The following CFAP299 variants were observed in gnomAD, a reference collection of about 807,000 sequenced individuals.
The protein encoded by CFAP299 is cilia and flagella associated protein 299.
In CFAP299, 21 loss-of-function variants were observed where a neutral mutation model predicts 27.0. The observed-to-expected ratio is 0.78, with a 90% confidence interval of 0.55 to 1.12. CFAP299 has a LOEUF of 1.12. CFAP299 is among the 50% of genes most tolerant of loss of function. CFAP299 has a pLI of 0.00. For synonymous variants in CFAP299, 104 were observed against 98.1 expected, an observed-to-expected ratio of 1.06 and a Z score of -0.36; for missense variants, 310 against 276.6, an observed-to-expected ratio of 1.12 and a Z score of -0.86.
At chr4:80,864,609 T>A (rs562783293) in intron 3 of CFAP299, among the ~76,000 whole-genome samples, 6 of 150,646 alleles carry the variant, frequency 4.0e-5, no homozygotes, top group African/African-American at 1.5e-4. Context: ...TAAAAAGTTT[T>A]AACTGTGAAT....
intron 2 of CFAP299, among the ~76,000 whole-genome samples, chr4:80,414,617 CAT>C (rs879666117): frequency 1.3e-5 from 2 of 152,186 alleles, no homozygotes; most frequent in Non-Finnish European, 2.9e-5. Flanking sequence ...AATGAAATCT[CAT>C]GTGCACCTCC....
At position 80,805,363 on chromosome 4, in the gene CFAP299, A is replaced by G. The variant is rs188972106; in HGVS notation, c.334-64630A>G. On this transcript the variant is annotated intron_variant, in intron 3 of 5. Coordinates refer to ENST00000358105, the MANE Select transcript of CFAP299 (RefSeq NM_152770.3). The stretch of plus-strand genomic sequence containing the variant: ...AAGGAACCACAAAACTTCAGAGGAA[A>G]GTGAAATAAATAGGTATTTTTTCCA... Among the ~76,000 whole-genome samples the G allele has an allele frequency of 1.0e-3, 154 of 152,328 alleles. 1 individual carries two copies. The highest frequency in any genetic ancestry group is 3.7e-3 in the African/African-American group (152 of 41,580).
chr4:80,642,712 C>T (rs778460658), intron 3 of CFAP299, among the ~76,000 whole-genome samples: 4 of 151,868 alleles, frequency 2.6e-5, no homozygotes, highest in African/African-American at 7.3e-5. Context: ...TGCAGTGAAC[C>T]GAGATCACAC....
At chr4:80,390,727 G>A (rs1431639871) in intron 2 of CFAP299, among the ~76,000 whole-genome samples, 1 of 129,762 alleles carries the variant, frequency 7.7e-6, no homozygotes, top group East Asian at 2.1e-4. Flanking sequence ...ACACATACAT[G>A]TATATATGTA....
chr4:80,927,264 T>C (rs2110215538), intron 4 of CFAP299, among the ~76,000 whole-genome samples: 1 of 152,238 alleles, frequency 6.6e-6, no homozygotes, highest in African/African-American at 2.4e-5. Context: ...CTTATATTCC[T>C]GATTCCCCAA....
intron 3 of CFAP299, among the ~76,000 whole-genome samples, chr4:80,616,490 G>C (rs1413388409): frequency 2.0e-5 from 3 of 151,688 alleles, no homozygotes; most frequent in African/African-American, 7.3e-5. Flanking sequence ...AGATCATCTA[G>C]TCCCAACTTT....
intron 4 of CFAP299, among the ~76,000 whole-genome samples, chr4:80,930,087 T>G (rs1736537794): frequency 6.6e-6 from 1 of 152,094 alleles, no homozygotes; most frequent in Non-Finnish European, 1.5e-5. Flanking sequence ...TCCCCGCCCC[T>G]TACAACAACC....
intron 3 of CFAP299, among the ~76,000 whole-genome samples, chr4:80,767,928 G>T (rs1206019238): frequency 6.6e-6 from 1 of 152,040 alleles, no homozygotes; most frequent in African/African-American, 2.4e-5. Context: ...CCATTTAATT[G>T]CCCAATATAC....
At chr4:80,939,560 T>A (rs963391395) in intron 4 of CFAP299, among the ~76,000 whole-genome samples, 2 of 152,212 alleles carry the variant, frequency 1.3e-5, no homozygotes, top group African/African-American at 4.8e-5. Flanking sequence ...CTTTTCTGAT[T>A]TAATTTAATT....
chr4:80,729,824 C>T (rs927016961), intron 3 of CFAP299, among the ~76,000 whole-genome samples: 3 of 151,848 alleles, frequency 2.0e-5, no homozygotes, highest in African/African-American at 4.8e-5. Context: ...AGGATGGTTT[C>T]GATCTCCTGA....
At chr4:80,514,894 A>G (rs1215456605) in intron 2 of CFAP299, among the ~76,000 whole-genome samples, 1 of 152,086 alleles carries the variant, frequency 6.6e-6, no homozygotes, top group Non-Finnish European at 1.5e-5. Context: ...ATAAAAGACT[A>G]ATCTGTCTTA....
intron 3 of CFAP299, among the ~76,000 whole-genome samples, chr4:80,758,890 T>C (rs902969694): frequency 1.3e-5 from 2 of 152,110 alleles, no homozygotes; most frequent in Admixed American, 6.5e-5. Flanking sequence ...ACAAATTCTA[T>C]TGGTCAAAAT....
At chr4:80,786,330 T>G (rs1727244258) in intron 3 of CFAP299, among the ~76,000 whole-genome samples, 1 of 152,096 alleles carries the variant, frequency 6.6e-6, no homozygotes, top group Admixed American at 6.6e-5. Flanking sequence ...ACCAAATTAC[T>G]TTGGCTATTT....
intron 3 of CFAP299, among the ~76,000 whole-genome samples, chr4:80,632,423 G>A (rs1386258000): frequency 6.6e-6 from 1 of 151,760 alleles, no homozygotes; most frequent in Non-Finnish European, 1.5e-5. Context: ...TAGTTAATTT[G>A]ATCATTCATT....
intron 3 of CFAP299, among the ~76,000 whole-genome samples, chr4:80,808,685 G>T (rs554900396): frequency 6.6e-6 from 1 of 152,100 alleles, no homozygotes. Flanking sequence ...TCCATGTGCT[G>T]CACATGTTAG....
chr4:80,396,774 G>C (rs1475191813), intron 2 of CFAP299, among the ~76,000 whole-genome samples: 1 of 152,128 alleles, frequency 6.6e-6, no homozygotes, highest in Non-Finnish European at 1.5e-5. Flanking sequence ...TGCTGGATTT[G>C]GGTTGCCAGT....
intron 4 of CFAP299, among the ~76,000 whole-genome samples, chr4:80,902,469 T>C (rs1734959085): frequency 4.2e-5 from 5 of 118,090 alleles, no homozygotes; most frequent in African/African-American, 9.5e-5. Context: ...CATATATGTA[T>C]ATATGTATAT....
chr4:80,477,369 G>A (rs1730334903), intron 2 of CFAP299, among the ~76,000 whole-genome samples: 1 of 152,014 alleles, frequency 6.6e-6, no homozygotes, highest in Non-Finnish European at 1.5e-5. Context: ...CCCCACCTCT[G>A]CTTCTTGATG....
At chr4:80,745,228 A>C (rs527375315) in intron 3 of CFAP299, among the ~76,000 whole-genome samples, 91 of 152,278 alleles carry the variant, frequency 6.0e-4, no homozygotes, top group Admixed American at 1.2e-3. Flanking sequence ...TGTTGTCTCC[A>C]CTTTACACAT....
Sources: allele counts gnomAD v4.1 joint callset (sites outside exome capture counted in the v4.1 genomes callset), GRCh38; gene constraint gnomAD v4.1.1; transcripts MANE v1.5; gene names NCBI Gene and HGNC (gene_info 2026-07-23, HGNC 2026-07-21).